The following GLB1L2 variants were observed in gnomAD, a reference collection of about 807,000 sequenced individuals.
The protein encoded by GLB1L2 is beta-galactosidase-1-like protein 2.
A neutral mutation model predicts 84.1 loss-of-function variants in GLB1L2; 68 were observed. That is an observed-to-expected ratio of 0.81 (90% confidence interval 0.67 to 0.99). The LOEUF (loss-of-function observed/expected upper bound fraction) is 0.99. GLB1L2 is among the 50% of genes least tolerant of loss of function. GLB1L2 has a pLI of 0.00. For synonymous variants in GLB1L2, 290 were observed against 318.0 expected (o/e 0.91, Z 0.94); for missense variants, 762 against 805.6 (o/e 0.95, Z 0.66).
chr11:134,332,222 C>A (rs1210292144), intron 1 of GLB1L2, 75 bp downstream of exon 1: 8 of 1,062,532 alleles, frequency 7.5e-6, no homozygotes, highest in Non-Finnish European at 1.1e-5. Flanking sequence ...TCTCTCCTCC[C>A]GCGACCCGCG....
chr11:134,337,132 T>A (rs1943399210), intron 1 of GLB1L2, among the ~76,000 whole-genome samples: 1 of 152,206 alleles, frequency 6.6e-6, no homozygotes, highest in African/African-American at 2.4e-5. Context: ...ACCACCAATA[T>A]TGCTTCCGGG....
chr11:134,337,830 A>AT (rs1482164165), intron 1 of GLB1L2, among the ~76,000 whole-genome samples: 1 of 152,124 alleles, frequency 6.6e-6, no homozygotes, highest in Admixed American at 6.5e-5. Flanking sequence ...TCTTCATGGG[A>AT]TGCCCTGGAT....
chr11:134,342,096 C>G (rs1245204557), intron 1 of GLB1L2, among the ~76,000 whole-genome samples: 1 of 152,132 alleles, frequency 6.6e-6, no homozygotes, highest in African/African-American at 2.4e-5. Context: ...AGGAGACCCA[C>G]CCGGCAGCAC....
Position 134,367,172 on chromosome 11 carries a change from G to A in GLB1L2, c.805-85G>A, listed in dbSNP as rs1591623411. ...GACAGGGAAGAGTAGAGAGGGCAGAGATCCTGGGGCTCCCCTCCATGAAGA... is the reference window on the plus strand; with the variant it reads ...GACAGGGAAGAGTAGAGAGGGCAGAAATCCTGGGGCTCCCCTCCATGAAGA... On this transcript the variant is annotated intron_variant, in intron 8 of 18. Transcript: ENST00000535456. The A allele has an allele frequency of 4.4e-6, 5 of 1,134,924 alleles. No individual in the cohort carries two copies. The East Asian group carries it at 9.9e-5, about 22-fold the overall frequency. 70.3% of individuals were successfully genotyped at this position (1,134,924 alleles called of 1,614,324 possible).
rs992604233 is a variant in GLB1L2 at position 134,342,841 on chromosome 11, T to G, written c.174T>G (p.Asp58Glu). The change falls in exon 2 of 19, where the codon GAT (aspartate) becomes GAG (glutamate). Residue 58 changes from aspartate to glutamate, a missense_variant. This residue lies in a region of GLB1L2 where 100 missense variants were observed against 88.8 expected (regional missense o/e 1.13). Transcript: ENST00000535456. ...AGGGCTGGAACTTCATGCTGGAGGATTCCACCTTCTGGATCTTCGGGGGCT... is the reference window on the plus strand; with the variant it reads ...AGGGCTGGAACTTCATGCTGGAGGAGTCCACCTTCTGGATCTTCGGGGGCT... ...QAKGWNFMLEDSTFWIFGGSI... is the reference protein window; with the variant it reads ...QAKGWNFMLEESTFWIFGGSI... The G allele has an allele frequency of 2.5e-6, 4 of 1,614,034 alleles. No individual in the cohort carries two copies. The Admixed American group carries it at 5.0e-5, about 20-fold the overall frequency.
At chr11:134,332,552 C>T (rs1384065599) in intron 1 of GLB1L2, among the ~76,000 whole-genome samples, 1 of 152,196 alleles carries the variant, frequency 6.6e-6, no homozygotes, top group Non-Finnish European at 1.5e-5. Context: ...CCCCCTTTTC[C>T]TCCCAAGCCT....
intron 7 of GLB1L2, chr11:134,360,525 T>G (rs1290851205): frequency 6.6e-6 from 1 of 152,162 alleles, no homozygotes; most frequent in Non-Finnish European, 1.5e-5. Flanking sequence ...TGGAGCACGT[T>G]TTAGCGCTTG....
In GLB1L2 at chr11:134,369,536, T is replaced by C. The variant is rs36171566; in HGVS notation, c.1028-269T>C. On this transcript the variant is annotated intron_variant, in intron 10 of 18. Coordinates refer to ENST00000535456, the MANE Select transcript of GLB1L2 (RefSeq NM_001370461.1). ...TCCCAAAGTGCTGGGATTACAGGTG[T>C]GAGCCACTGCACAAGCGATCCTCCT... is the stretch of plus-strand genomic sequence containing the variant. Among the ~76,000 whole-genome samples the C allele has an allele frequency of 3.1e-3, 384 of 125,406 alleles. 2 individuals carry two copies. The highest frequency in any genetic ancestry group is 0.03 in the East Asian group (65 of 2,140). 82.3% of individuals were successfully genotyped at this position (125,406 alleles called of 152,430 possible).
chr11:134,373,860 G>A (rs1943989802), intron 16 of GLB1L2, 52 bp downstream of exon 16: 4 of 1,311,804 alleles, frequency 3.0e-6, no homozygotes, highest in Non-Finnish European at 4.3e-6. Flanking sequence ...AGTGCTGTGT[G>A]GTGGGGCCCA....
chr11:134,352,738 C>G (rs1185989222), intron 5 of GLB1L2, among the ~76,000 whole-genome samples: 4 of 151,644 alleles, frequency 2.6e-5, no homozygotes, highest in Non-Finnish European at 5.9e-5. Flanking sequence ...ACGTCCGCCT[C>G]CCAGGTTCAA....
chr11:134,374,577 G>T (rs774852202), intron 17 of GLB1L2, 25 bp from the exon 18 acceptor site: 2 of 1,570,810 alleles, frequency 1.3e-6, no homozygotes, highest in Admixed American at 3.3e-5. Context: ...CGTGGTAGAT[G>T]AACACCCTTC....
In GLB1L2 at chr11:134,374,956, G is replaced by C; in HGVS notation, c.1825-16G>C. ...CAGACGTCAGCTGCCCTCCCAGCCG[G>C]GCCCTCTCTCCACAGGTCATCGTTT... On this transcript the variant is annotated splice_polypyrimidine_tract_variant and intron_variant, in intron 18 of 18. Coordinates refer to ENST00000535456, the MANE Select transcript of GLB1L2 (RefSeq NM_001370461.1). The C allele has an allele frequency of 6.2e-7, 1 of 1,609,906 alleles. No individual in the cohort carries two copies. The highest frequency in any genetic ancestry group is 8.5e-7 in the Non-Finnish European group (1 of 1,177,976).
chr11:134,356,431 C>T, intron 6 of GLB1L2, 38 bp downstream of exon 6: 1 of 1,453,360 alleles, frequency 6.9e-7, no homozygotes, highest in South Asian at 1.1e-5. Flanking sequence ...AGATTCCTTC[C>T]TCTGGAGTGT....
intron 13 of GLB1L2, 84 bp from the exon 14 acceptor site, chr11:134,371,337 C>A: frequency 1.7e-6 from 2 of 1,161,898 alleles, no homozygotes; most frequent in Non-Finnish European, 2.6e-6. Flanking sequence ...TACAGGCACG[C>A]GTGCTGCCCT....
intron 1 of GLB1L2, among the ~76,000 whole-genome samples, chr11:134,337,719 T>A (rs537199333): frequency 6.6e-6 from 1 of 152,150 alleles, no homozygotes; most frequent in Admixed American, 6.5e-5. Context: ...TTCCCATGTG[T>A]TTGATGTCTT....
intron 10 of GLB1L2, 92 bp downstream of exon 10, chr11:134,368,873 C>T: frequency 7.4e-7 from 1 of 1,357,062 alleles, no homozygotes. Context: ...CAACTTCTGG[C>T]ACCTTCGTGT....
At chr11:134,351,567 A>G (rs1456941790) in intron 5 of GLB1L2, among the ~76,000 whole-genome samples, 1 of 151,792 alleles carries the variant, frequency 6.6e-6, no homozygotes, top group African/African-American at 2.4e-5. Flanking sequence ...CTGGTCTCAA[A>G]CTTCTGACCT....
chr11:134,358,261 T>C (rs1384271589), intron 6 of GLB1L2, among the ~76,000 whole-genome samples: 1 of 152,270 alleles, frequency 6.6e-6, no homozygotes, highest in Non-Finnish European at 1.5e-5. Flanking sequence ...ACAGAGCCTT[T>C]GGCTCTGGGT....
chr11:134,372,129 G>T (rs755556539), intron 15 of GLB1L2, among the ~76,000 whole-genome samples: 133 of 152,158 alleles, frequency 8.7e-4, no homozygotes, highest in Non-Finnish European at 1.3e-3. Context: ...ATGTCTGCTT[G>T]GGGGGGCGGC....
Sources: allele counts gnomAD v4.1 joint callset (sites outside exome capture counted in the v4.1 genomes callset), GRCh38; gene constraint gnomAD v4.1.1; regional missense constraint gnomAD v4.1.1; transcripts MANE v1.5; gene names NCBI Gene and HGNC (gene_info 2026-07-23, HGNC 2026-07-21).